RIF1: variants seen among roughly 807,000 people sequenced by gnomAD.
RIF1 encodes the protein telomere-associated protein RIF1.
In RIF1, 45 loss-of-function variants were observed where a neutral mutation model predicts 247.1. That is an observed-to-expected ratio of 0.18 (90% CI 0.14 to 0.23). The LOEUF (loss-of-function observed/expected upper bound fraction) is 0.23. Among genes scored for constraint, RIF1 ranks in the 10% least tolerant of loss-of-function variants. The pLI, the probability that RIF1 is intolerant of heterozygous loss-of-function variation, is 1.00. For missense variants in RIF1, 2,967 were observed against 2,862.5 expected, an observed-to-expected ratio of 1.04 and a Z score of -0.83; for synonymous variants, 1,087 against 978.8, an observed-to-expected ratio of 1.11 and a Z score of -2.06.
At chr2:151,506,751 T>C (rs530458106) in intron 13 of RIF1, among the ~76,000 whole-genome samples, 5 of 152,234 alleles carry the variant, frequency 3.3e-5, no homozygotes, top group Non-Finnish European at 5.9e-5. Flanking sequence ...CTGGAGATGA[T>C]TTTGGAGCAA....
the RIF1 span, chr2:151,524,431 C>A: frequency 1.2e-6 from 2 of 1,613,690 alleles, no homozygotes; most frequent in African/African-American, 2.7e-5. Context: ...TCAGAGAAAA[C>A]CAAAATGGGC....
intron 10 of RIF1, among the ~76,000 whole-genome samples, chr2:151,433,775 C>G (rs1362512576): frequency 4.6e-5 from 7 of 152,044 alleles, no homozygotes; most frequent in Admixed American, 1.3e-4. Context: ...TTTAAATTAG[C>G]AAGTACTCAA....
chr2:151,420,357 T>C lies in RIF1; in HGVS notation c.671T>C (p.Ile224Thr), dbSNP rs2152157308. ...CAGAAACAGCAAGAAATAGCATCTA[T>C]TACGGAGCAGCTTATGACTACTGTG... is the stretch of plus-strand genomic sequence containing the variant. ...LLQKQQEIASITEQLMTTKLI... is the reference protein window; with the variant it reads ...LLQKQQEIASTTEQLMTTKLI... The change falls in exon 7 of 36, where the codon ATT becomes ACT. Residue 224 changes from isoleucine to threonine, a missense_variant. Coordinates refer to ENST00000444746, the MANE Select transcript of RIF1 (RefSeq NM_018151.5). 1 of 1,614,088 alleles carries C rather than the reference T, an allele frequency of 6.2e-7. No homozygotes were observed.
In RIF1 at chr2:151,449,986, C is replaced by T. The variant is rs546516713; in HGVS notation, c.2245-1620C>T. ...CCTCCCTAGTAGCTGGGATTAAAGG[C>T]GTGTGCCACCACGCCTGGCTAATTT... On this transcript the variant is annotated intron_variant, in intron 20 of 35. Coordinates refer to ENST00000444746, the MANE Select transcript of RIF1 (RefSeq NM_018151.5). Among the ~76,000 whole-genome samples the T allele has an allele frequency of 3.9e-5, 6 of 152,012 alleles. No homozygotes were observed. In the East Asian group the frequency reaches 7.7e-4, roughly 20 times the overall value.
At chr2:151,459,464 T>C (rs1695781982) in intron 25 of RIF1, among the ~76,000 whole-genome samples, 1 of 152,166 alleles carries the variant, frequency 6.6e-6, no homozygotes, top group Admixed American at 6.5e-5. Flanking sequence ...TTAGAATCTT[T>C]GGGAGAAAAA....
chr2:151,525,403 A>T, the RIF1 span: 1 of 657,552 alleles, frequency 1.5e-6, no homozygotes, highest in East Asian at 2.7e-5. Context: ...CTTAGATAAG[A>T]CCCATATTCT....
chr2:151,490,711 C>T (rs1349294303), intron 9 of RIF1, among the ~76,000 whole-genome samples: 3 of 152,190 alleles, frequency 2.0e-5, no homozygotes, highest in Admixed American at 1.3e-4. Flanking sequence ...AGCTTACGTA[C>T]ATGACCAAAG....
the RIF1 span, chr2:151,514,760 G>A: frequency 4.2e-6 from 5 of 1,187,120 alleles, no homozygotes; most frequent in South Asian, 6.9e-5. Context: ...ACATTAATGA[G>A]TGTCACTAGT....
chr2:151,533,639 T>C, the RIF1 span: 12 of 767,274 alleles, frequency 1.6e-5, no homozygotes, highest in East Asian at 3.0e-4. Context: ...AGTGAAGAGA[T>C]GTAGGCATAC....
intron 10 of RIF1, chr2:151,497,595 A>T (rs760771870): frequency 1.3e-6 from 2 of 1,545,074 alleles, no homozygotes; most frequent in African/African-American, 2.8e-5. Context: ...ATCATTAAAT[A>T]AGTAGTTTTT....
At chr2:151,431,640 G>C (rs1011166697) in intron 9 of RIF1, among the ~76,000 whole-genome samples, 1 of 152,142 alleles carries the variant, frequency 6.6e-6, no homozygotes, top group Admixed American at 6.5e-5. Flanking sequence ...ATACAAAGTT[G>C]GACGGGCATG....
chr2:151,423,644 C>G (rs1420278856), intron 8 of RIF1: 1 of 152,256 alleles, frequency 6.6e-6, no homozygotes, highest in African/African-American at 2.4e-5. Context: ...GAACCTAACC[C>G]TGTATTTCCC....
intron 11 of RIF1, chr2:151,502,827 T>C: frequency 6.2e-7 from 1 of 1,609,144 alleles, no homozygotes. Context: ...TTTGACTCTC[T>C]CCATCTCTGG....
At chr2:151,431,274 G>A (rs1690075459) in intron 9 of RIF1, among the ~76,000 whole-genome samples, 1 of 152,124 alleles carries the variant, frequency 6.6e-6, no homozygotes, top group Admixed American at 6.6e-5. Flanking sequence ...CTTCTTCACA[G>A]CTTACTCACC....
the RIF1 span, chr2:151,519,751 A>T: frequency 6.2e-7 from 1 of 1,610,338 alleles, no homozygotes; most frequent in South Asian, 1.1e-5. Context: ...CTTTATCGAA[A>T]TTTTCTCGGT....
intron 12 of RIF1, chr2:151,503,304 AT>A (rs751129598): frequency 2.8e-5 from 40 of 1,430,286 alleles, no homozygotes; most frequent in Non-Finnish European, 3.7e-5. Flanking sequence ...ATTGTGGTAA[AT>A]TTTTTATGGG....
intron 10 of RIF1, chr2:151,496,237 A>G: frequency 1.3e-6 from 2 of 1,500,362 alleles, no homozygotes; most frequent in Non-Finnish European, 1.8e-6. Flanking sequence ...AGTAGTTTTT[A>G]AAATCAGTAA....
At chr2:151,534,179 T>A in the RIF1 span, 1 of 1,492,188 alleles carries the variant, frequency 6.7e-7, no homozygotes, top group Non-Finnish European at 9.3e-7. Context: ...GGGAGCACAG[T>A]CCTGCCTGGG....
chr2:151,460,322 G>C (rs1351426525), intron 26 of RIF1, among the ~76,000 whole-genome samples: 1 of 152,192 alleles, frequency 6.6e-6, no homozygotes, highest in Non-Finnish European at 1.5e-5. Flanking sequence ...TTTAGGAAAG[G>C]TAAGTTTCTG....
Sources: allele counts gnomAD v4.1 joint callset (sites outside exome capture counted in the v4.1 genomes callset), GRCh38; gene constraint gnomAD v4.1.1; transcripts MANE v1.5; gene names NCBI Gene and HGNC (gene_info 2026-07-23, HGNC 2026-07-21).